The following GABBR2 variants were observed in gnomAD, a reference collection of about 807,000 sequenced individuals.
The protein encoded by GABBR2 is gamma-aminobutyric acid type B receptor subunit 2.
Under a neutral mutation model 105.6 loss-of-function variants are expected in GABBR2, and 23 were observed. That is an observed-to-expected ratio of 0.22 (90% CI 0.16 to 0.31). GABBR2 has a LOEUF of 0.31. Ranked by LOEUF, GABBR2 falls within the 10% of genes least tolerant of loss-of-function variation. The pLI, the probability that GABBR2 is intolerant of heterozygous loss-of-function variation, is 1.00. For missense variants in GABBR2, 734 were observed against 1,245.5 expected, an observed-to-expected ratio of 0.59 and a Z score of 6.18; for synonymous variants, 478 against 499.7, an observed-to-expected ratio of 0.96 and a Z score of 0.58.
At chr9:98,436,370 T>C (rs867342276) in intron 7 of GABBR2, among the ~76,000 whole-genome samples, 2 of 17,478 alleles carry the variant, frequency 1.1e-4, no homozygotes, top group African/African-American at 2.4e-4. Context: ...TATATATATA[T>C]ATATATATAT....
intron 1 of GABBR2, among the ~76,000 whole-genome samples, chr9:98,599,085 T>C (rs1219820634): frequency 6.6e-6 from 1 of 152,110 alleles, no homozygotes; most frequent in Non-Finnish European, 1.5e-5. Context: ...AGCTGCTGTA[T>C]CTGTGGGGAA....
At chr9:98,299,378 G>C in intron 16 of GABBR2, 25 bp from the exon 17 acceptor site, 1 of 1,613,518 alleles carries the variant, frequency 6.2e-7, no homozygotes, top group Non-Finnish European at 8.5e-7. Flanking sequence ...TTCCAGTTGA[G>C]TCAGGTCCCT....
intron 3 of GABBR2, chr9:98,538,680 C>G: frequency 2.9e-6 from 2 of 685,910 alleles, no homozygotes; most frequent in Non-Finnish European, 3.6e-6. Flanking sequence ...CTCCACCACC[C>G]CCTCCGACTT....
intron 7 of GABBR2, among the ~76,000 whole-genome samples, chr9:98,408,169 C>T (rs151121945): frequency 1.2e-3 from 178 of 152,266 alleles, no homozygotes; most frequent in African/African-American, 4.1e-3. Flanking sequence ...CCTTGGGAAG[C>T]GAGTTTCAAC....
rs1830284846 is a variant in GABBR2 at position 98,290,455 on chromosome 9, A to G, written c.*129T>C. The G allele has an allele frequency of 1.9e-6, 1 of 529,950 alleles. No homozygotes were observed. Among genetic ancestry groups the G allele is most frequent in the Non-Finnish European group, 3.0e-6 (1 of 337,796 alleles). The allele number at this position is 529,950 out of a possible 1,614,324, so 32.8% of individuals were successfully genotyped here. ...GTCCTGTCCACCTGAGTGCCATCCGAGTGGTCCTGAGAGGCCAGCCATGGT... is the reference window on the plus strand; with the variant it reads ...GTCCTGTCCACCTGAGTGCCATCCGGGTGGTCCTGAGAGGCCAGCCATGGT... On this transcript the variant is annotated 3_prime_UTR_variant, in exon 19 of 19. Transcript: ENST00000259455.
chr9:98,507,335 G>A (rs1237557066), intron 3 of GABBR2, among the ~76,000 whole-genome samples: 1 of 152,112 alleles, frequency 6.6e-6, no homozygotes, highest in Non-Finnish European at 1.5e-5. Context: ...GAAGGAGGGA[G>A]GTAGAAAAGT....
At chr9:98,355,060 G>A (rs1831461954) in intron 13 of GABBR2, among the ~76,000 whole-genome samples, 1 of 152,074 alleles carries the variant, frequency 6.6e-6, no homozygotes, top group Non-Finnish European at 1.5e-5. Flanking sequence ...CTTCAATATT[G>A]TGTCTTAGAG....
At chr9:98,445,189 G>C (rs896263391) in intron 7 of GABBR2, among the ~76,000 whole-genome samples, 9 of 152,322 alleles carry the variant, frequency 5.9e-5, no homozygotes, top group Non-Finnish European at 8.8e-5. Flanking sequence ...GAAGTACGAG[G>C]GGATCAGAGA....
intron 7 of GABBR2, among the ~76,000 whole-genome samples, chr9:98,419,137 TGCA>T (rs919375944): frequency 6.6e-6 from 1 of 152,126 alleles, no homozygotes; most frequent in African/African-American, 2.4e-5. Flanking sequence ...AGGCAGCTGG[TGCA>T]GCAGCCGTCC....
intron 2 of GABBR2, among the ~76,000 whole-genome samples, chr9:98,572,950 G>A (rs912295786): frequency 6.6e-6 from 1 of 152,206 alleles, no homozygotes; most frequent in African/African-American, 2.4e-5. Flanking sequence ...TTGTCTGGGT[G>A]TGAGCATCTT....
At chr9:98,412,531 C>T (rs1408332221) in intron 7 of GABBR2, among the ~76,000 whole-genome samples, 1 of 152,072 alleles carries the variant, frequency 6.6e-6, no homozygotes, top group East Asian at 1.9e-4. Flanking sequence ...GCTCTGAAAA[C>T]AATACTCCAA....
intron 1 of GABBR2, among the ~76,000 whole-genome samples, chr9:98,703,209 A>T (rs969514318): frequency 6.6e-6 from 1 of 152,238 alleles, no homozygotes; most frequent in Non-Finnish European, 1.5e-5. Flanking sequence ...CCTGCCTGAG[A>T]GTGAAGCCAA....
At chr9:98,488,606 T>A (rs145840019) in intron 4 of GABBR2, among the ~76,000 whole-genome samples, 1 of 151,710 alleles carries the variant, frequency 6.6e-6, no homozygotes, top group African/African-American at 2.4e-5. Context: ...TTTCTGCTTA[T>A]CTCTGTCTTT....
intron 3 of GABBR2, among the ~76,000 whole-genome samples, chr9:98,501,444 C>T (rs1270689376): frequency 1.3e-5 from 2 of 152,140 alleles, no homozygotes; most frequent in African/African-American, 2.4e-5. Context: ...CAATTATAGG[C>T]GTGAGCCACT....
intron 7 of GABBR2, among the ~76,000 whole-genome samples, chr9:98,409,490 C>G (rs964848671): frequency 9.9e-5 from 15 of 152,206 alleles, no homozygotes; most frequent in African/African-American, 3.6e-4. Context: ...GAGCCCAGGG[C>G]AGTGCCTGTC....
intron 13 of GABBR2, among the ~76,000 whole-genome samples, chr9:98,334,528 C>T (rs1225839002): frequency 6.6e-6 from 1 of 152,098 alleles, no homozygotes; most frequent in African/African-American, 2.4e-5. Flanking sequence ...CTTTGCCATG[C>T]TGTTGAAATG....
intron 7 of GABBR2, among the ~76,000 whole-genome samples, chr9:98,447,338 C>T (rs1437832195): frequency 8.9e-6 from 1 of 112,680 alleles, no homozygotes; most frequent in Non-Finnish European, 2.0e-5. Flanking sequence ...GCTGGGATTA[C>T]AGGCGTGAGC....
chr9:98,586,995 T>G (rs1829087195), intron 1 of GABBR2, among the ~76,000 whole-genome samples: 1 of 152,216 alleles, frequency 6.6e-6, no homozygotes, highest in South Asian at 2.1e-4. Flanking sequence ...AATCATAGCG[T>G]TTGCTGCATG....
intron 1 of GABBR2, among the ~76,000 whole-genome samples, chr9:98,681,771 A>AG (rs1430446194): frequency 6.6e-6 from 1 of 151,666 alleles, no homozygotes; most frequent in East Asian, 1.9e-4. Flanking sequence ...CAATAAAAAA[A>AG]AGAGTTAAAT....
Sources: gnomAD v4.1 joint callset for allele counts (sites outside exome capture counted in the v4.1 genomes callset) on GRCh38, gnomAD v4.1.1 for gene constraint, MANE v1.5 for transcripts, NCBI Gene and HGNC (gene_info 2026-07-23, HGNC 2026-07-21) for gene names.